PCBP3: variants seen among roughly 807,000 people sequenced by gnomAD.
PCBP3 encodes poly(rC) binding protein 3, also known as poly(rC)-binding protein 3.
Under a neutral mutation model 52.7 loss-of-function variants are expected in PCBP3, and 25 were observed. That is an observed-to-expected ratio of 0.47 (90% CI 0.35 to 0.66). The LOEUF is 0.66. Ranked by LOEUF, PCBP3 falls within the 30% of genes least tolerant of loss-of-function variation. PCBP3 has a pLI of 0.01. For missense variants in PCBP3, 391 were observed against 490.3 expected, an observed-to-expected ratio of 0.80 and a Z score of 1.91; for synonymous variants, 162 against 183.0, an observed-to-expected ratio of 0.89 and a Z score of 0.93.
intron 2 of PCBP3, among the ~76,000 whole-genome samples, chr21:45,733,343 G>T (rs995313738): frequency 1.1e-4 from 17 of 152,186 alleles, no homozygotes; most frequent in Non-Finnish European, 2.5e-4. Context: ...CTGGAGTGCA[G>T]TGGTGCCATC....
At chr21:45,730,832 A>G (rs1489771785) in intron 2 of PCBP3, among the ~76,000 whole-genome samples, 1 of 152,164 alleles carries the variant, frequency 6.6e-6, no homozygotes, top group East Asian at 1.9e-4. Context: ...TTCTGATATT[A>G]AGATAGTCAC....
chr21:45,703,189 A>G (rs1182803526), intron 2 of PCBP3, among the ~76,000 whole-genome samples: 2 of 152,170 alleles, frequency 1.3e-5, no homozygotes, highest in African/African-American at 4.8e-5. Context: ...CTTCTTCCAA[A>G]CTCTGTTGAT....
intron 1 of PCBP3, among the ~76,000 whole-genome samples, chr21:45,663,158 G>C (rs568731015): frequency 1.4e-3 from 56 of 39,396 alleles, no homozygotes; most frequent in African/African-American, 4.4e-3. Context: ...GGCGTAAGCT[G>C]TCTCCTCTCT....
Position 45,704,468 on chromosome 21 carries a change from C to T in PCBP3, c.-199-30924C>T, listed in dbSNP as rs542570697. Among the ~76,000 whole-genome samples the T allele has an allele frequency of 1.2e-4, 19 of 152,306 alleles. No individual in the cohort carries two copies. In the East Asian group the frequency reaches 3.3e-3, roughly 26 times the overall value. ...CCAGCTGCAGACTGGGAGGCCGCAG[C>T]GTCTGCCCCCATTTTCCTGCTCTCC... is the stretch of plus-strand genomic sequence containing the variant. On this transcript the variant is annotated intron_variant, in intron 2 of 17. Coordinates refer to ENST00000681687, the MANE Select transcript of PCBP3 (RefSeq NM_001384156.1). The surrounding 1 kb of genome is among the most constrained non-coding windows in gnomAD (Gnocchi z 4.1).
chr21:45,906,215 C>T (rs1310657825), intron 9 of PCBP3, among the ~76,000 whole-genome samples: 4 of 152,196 alleles, frequency 2.6e-5, no homozygotes, highest in Middle Eastern at 3.2e-3. Flanking sequence ...CCATGAAGCA[C>T]GTGGCTTTGG....
intron 1 of PCBP3, among the ~76,000 whole-genome samples, chr21:45,650,614 A>G (rs557110636): frequency 3.9e-5 from 6 of 152,100 alleles, no homozygotes; most frequent in Non-Finnish European, 7.4e-5. Context: ...CCATGCTCAG[A>G]TAATTTTTAA....
At chr21:45,722,234 A>T (rs1452499315) in intron 2 of PCBP3, among the ~76,000 whole-genome samples, 1 of 152,206 alleles carries the variant, frequency 6.6e-6, no homozygotes, top group Non-Finnish European at 1.5e-5. Context: ...ACTGGCACCT[A>T]AGTCAGTAAT....
chr21:45,669,801 G>GTATATA (rs1385598083), intron 2 of PCBP3, among the ~76,000 whole-genome samples: 47 of 69,018 alleles, frequency 6.8e-4, no homozygotes, highest in Non-Finnish European at 1.1e-3. Flanking sequence ...GTGTGTGTGT[G>GTATATA]TGTGTATATA....
intron 5 of PCBP3, 143 bp from the exon 6 acceptor site, chr21:45,896,065 C>T (rs974847790): frequency 3.5e-5 from 25 of 716,784 alleles, no homozygotes; most frequent in Non-Finnish European, 4.7e-5. Context: ...GCCCAGCAGG[C>T]GAGGCCTGGT....
At chr21:45,754,554 T>C (rs1361156518) in intron 3 of PCBP3, among the ~76,000 whole-genome samples, 7 of 152,232 alleles carry the variant, frequency 4.6e-5, no homozygotes, top group African/African-American at 1.7e-4. Flanking sequence ...AGAAAACAGC[T>C]AGAAAATATT....
rs1051837402 is a variant in PCBP3, at chr21:45,805,729, C to G, written c.-125-44232C>G. Among the ~76,000 whole-genome samples the G allele has an allele frequency of 7.2e-5, 11 of 152,180 alleles. No homozygotes were observed. The highest frequency in any genetic ancestry group is 1.6e-4 in the Non-Finnish European group (11 of 68,028). On this transcript the variant is annotated intron_variant, in intron 4 of 17. Coordinates refer to ENST00000681687, the MANE Select transcript of PCBP3 (RefSeq NM_001384156.1). The surrounding 1 kb of genome is among the most constrained non-coding windows in gnomAD (Gnocchi z 4.6). ...CTGCACCTGAGCTTGCAGGCATGCT[C>G]CTGTCTTTCTGTGGTGGTAAAGGTG...
chr21:45,922,356 C>T (rs1212868421), intron 13 of PCBP3, among the ~76,000 whole-genome samples: 1 of 152,140 alleles, frequency 6.6e-6, no homozygotes, highest in African/African-American at 2.4e-5. Context: ...GAGTTGGAGA[C>T]CAGGTTGGAC....
At chr21:45,698,729 A>T (rs922157566) in intron 2 of PCBP3, among the ~76,000 whole-genome samples, 2 of 152,240 alleles carry the variant, frequency 1.3e-5, no homozygotes, top group Admixed American at 1.3e-4. Context: ...AACATTATGC[A>T]CCATTAAGCT....
chr21:45,660,858 G>A (rs1364265776), intron 1 of PCBP3, among the ~76,000 whole-genome samples: 2 of 152,152 alleles, frequency 1.3e-5, no homozygotes, highest in Non-Finnish European at 2.9e-5. Context: ...GGCCAACATG[G>A]TGAAACCCCG....
At chr21:45,653,564 G>C (rs2079823090) in intron 1 of PCBP3, among the ~76,000 whole-genome samples, 1 of 151,782 alleles carries the variant, frequency 6.6e-6, no homozygotes, top group Non-Finnish European at 1.5e-5. Flanking sequence ...GATGTTTTAG[G>C]CTCATATTTA....
At chr21:45,740,074 T>A (rs77891599) in intron 3 of PCBP3, among the ~76,000 whole-genome samples, 2 of 152,294 alleles carry the variant, frequency 1.3e-5, no homozygotes, top group Non-Finnish European at 2.9e-5. Context: ...AGATCTCTGA[T>A]CTAATCAGAT....
chr21:45,910,663 C>T (rs1001741651), intron 10 of PCBP3, among the ~76,000 whole-genome samples: 2 of 152,134 alleles, frequency 1.3e-5, no homozygotes, highest in African/African-American at 4.8e-5. Context: ...GCCTCCTTGT[C>T]TAGCCTTGGC....
chr21:45,670,809 T>C (rs567385310), intron 2 of PCBP3, among the ~76,000 whole-genome samples: 1 of 152,306 alleles, frequency 6.6e-6, no homozygotes, highest in East Asian at 1.9e-4. Flanking sequence ...CATGGTAAAA[T>C]TTACTTCTTG....
intron 4 of PCBP3, among the ~76,000 whole-genome samples, chr21:45,824,771 G>A (rs375386495): frequency 1.1e-4 from 17 of 152,182 alleles, no homozygotes; most frequent in East Asian, 3.9e-4. Flanking sequence ...GCATCCACCC[G>A]GATTCACCCG....
Sources: allele counts gnomAD v4.1 joint callset (sites outside exome capture counted in the v4.1 genomes callset), GRCh38; gene constraint gnomAD v4.1.1; non-coding constraint Gnocchi (gnomAD v3.1); transcripts MANE v1.5; gene names NCBI Gene and HGNC (gene_info 2026-07-23, HGNC 2026-07-21).